The following SLC12A8 variants were observed in gnomAD, a reference collection of about 807,000 sequenced individuals.
SLC12A8 encodes cation-chloride cotransporter 9.
A neutral mutation model predicts 75.6 loss-of-function variants in SLC12A8; 69 were observed. That is an observed-to-expected ratio of 0.91 (90% CI 0.75 to 1.11). The LOEUF is 1.11. Among genes scored for constraint, SLC12A8 ranks in the 50% most tolerant of loss-of-function variants. SLC12A8 has a pLI of 0.00. For synonymous variants in SLC12A8, 365 were observed against 372.8 expected, an observed-to-expected ratio of 0.98 and a Z score of 0.24; for missense variants, 877 against 896.7, an observed-to-expected ratio of 0.98 and a Z score of 0.28.
chr3:125,211,058 T>G (rs1202405114), intron 2 of SLC12A8, among the ~76,000 whole-genome samples: 1 of 152,226 alleles, frequency 6.6e-6, no homozygotes, highest in Non-Finnish European at 1.5e-5. Flanking sequence ...TTTGGAGTTG[T>G]GGGGGATCCC....
intron 5 of SLC12A8, among the ~76,000 whole-genome samples, chr3:125,142,314 G>A (rs1579501953): frequency 6.6e-6 from 1 of 152,352 alleles, no homozygotes; most frequent in South Asian, 2.1e-4. Flanking sequence ...GAGGCACAGA[G>A]ATGGGCAATT....
chr3:125,161,249 T>C (rs1233141291), intron 5 of SLC12A8, among the ~76,000 whole-genome samples: 1 of 152,216 alleles, frequency 6.6e-6, no homozygotes. Context: ...GCATTGGCCA[T>C]TGATCAAAAA....
At chr3:125,138,852 ACACAC>A in intron 5 of SLC12A8, among the ~76,000 whole-genome samples, 1 of 66,688 alleles carries the variant, frequency 1.5e-5, no homozygotes, top group Non-Finnish European at 3.6e-5. Flanking sequence ...CAAAACACAC[ACACAC>A]ACACACACAC....
intron 2 of SLC12A8, among the ~76,000 whole-genome samples, chr3:125,207,156 T>A (rs9815815): frequency 0.51 from 77,494 of 151,840 alleles, 20,654 homozygotes; most frequent in South Asian, 0.64. Flanking sequence ...CTTGGGCCAG[T>A]CACAATGGTT....
At chr3:125,190,341 G>T in intron 3 of SLC12A8, 34 bp downstream of exon 3, 1 of 1,611,318 alleles carries the variant, frequency 6.2e-7, no homozygotes, top group Non-Finnish European at 8.5e-7. Flanking sequence ...TCTTGGGCCC[G>T]TGAGAGGCTC....
intron 1 of SLC12A8, 45 bp from the exon 2 acceptor site, chr3:125,211,439 T>C (rs1459341582): frequency 2.0e-6 from 2 of 997,682 alleles, no homozygotes; most frequent in Non-Finnish European, 3.2e-6. Context: ...TCTCCTCTCC[T>C]CTCCCCTTGT....
intron 5 of SLC12A8, among the ~76,000 whole-genome samples, chr3:125,157,832 C>T (rs956831779): frequency 3.3e-5 from 5 of 152,212 alleles, no homozygotes; most frequent in African/African-American, 7.2e-5. Context: ...CTTTAAAATA[C>T]TGACCCAGGA....
chr3:125,097,418 G>T (rs1362288163), intron 10 of SLC12A8, among the ~76,000 whole-genome samples: 1 of 151,678 alleles, frequency 6.6e-6, no homozygotes, highest in Non-Finnish European at 1.5e-5. Flanking sequence ...AAACACTATT[G>T]GTTAAGAACT....
chr3:125,141,124 G>A (rs1383106784), intron 5 of SLC12A8, among the ~76,000 whole-genome samples: 11 of 148,536 alleles, frequency 7.4e-5, no homozygotes, highest in Non-Finnish European at 1.5e-4. Context: ...CTTTGGTCCA[G>A]TTTGAGCTGT....
chr3:125,199,252 A>C (rs1283667884), intron 2 of SLC12A8, among the ~76,000 whole-genome samples: 1 of 152,174 alleles, frequency 6.6e-6, no homozygotes, highest in Non-Finnish European at 1.5e-5. Flanking sequence ...ATATATAGAG[A>C]AAATGGTCTA....
At chr3:125,129,821 C>T (rs1933307726) in intron 6 of SLC12A8, among the ~76,000 whole-genome samples, 1 of 152,176 alleles carries the variant, frequency 6.6e-6, no homozygotes, top group Non-Finnish European at 1.5e-5. Context: ...GCAAGTCATA[C>T]AAACCATTCG....
At chr3:125,208,261 C>CCAG (rs934250416) in intron 2 of SLC12A8, among the ~76,000 whole-genome samples, 2 of 152,186 alleles carry the variant, frequency 1.3e-5, no homozygotes, top group African/African-American at 4.8e-5. Context: ...GACTGCCCAC[C>CCAG]CAGCAGGTTG....
At chr3:125,168,181 T>A (rs565339854) in intron 5 of SLC12A8, among the ~76,000 whole-genome samples, 2 of 152,072 alleles carry the variant, frequency 1.3e-5, no homozygotes, top group East Asian at 3.9e-4. Flanking sequence ...AACTGTGGGG[T>A]TGTAAAGGAT....
chr3:125,108,227 G>A, intron 9 of SLC12A8, 101 bp from the exon 10 acceptor site: 1 of 1,151,442 alleles, frequency 8.7e-7, no homozygotes, highest in Non-Finnish European at 1.2e-6. Context: ...TAATGACTCA[G>A]CCACTTCTCC....
intron 5 of SLC12A8, among the ~76,000 whole-genome samples, chr3:125,144,653 C>T (rs542617478): frequency 3.3e-5 from 5 of 152,316 alleles, no homozygotes; most frequent in Admixed American, 2.0e-4. Context: ...GCTGTCTCTG[C>T]CTCTGGCATC....
intron 13 of SLC12A8, among the ~76,000 whole-genome samples, chr3:125,086,471 C>T (rs976146432): frequency 5.3e-5 from 8 of 152,160 alleles, no homozygotes; most frequent in Non-Finnish European, 8.8e-5. Context: ...GGACTGGTGA[C>T]CTCCTATGGC....
At chr3:125,140,518 A>G (rs924753395) in intron 5 of SLC12A8, among the ~76,000 whole-genome samples, 1 of 151,974 alleles carries the variant, frequency 6.6e-6, no homozygotes, top group Admixed American at 6.6e-5. Context: ...CCATTTGTGT[A>G]GGGCAGACAG....
At chr3:125,152,011 G>A (rs762018632) in intron 5 of SLC12A8, among the ~76,000 whole-genome samples, 10 of 152,228 alleles carry the variant, frequency 6.6e-5, no homozygotes, top group Non-Finnish European at 1.3e-4. Context: ...GTCAAGGATT[G>A]AGAAAGTGGC....
rs187179317 is a variant in SLC12A8, at chr3:125,157,796, C to G, written c.622+19947G>C. The stretch of plus-strand genomic sequence containing the variant: ...CCCAAGGTCAAGGTTCTTCCACTCT[C>G]CTCCACCTGCAACTTGCATATTTTC... On this transcript the variant is annotated intron_variant, in intron 5 of 13. Transcript: ENST00000469902. Among the ~76,000 whole-genome samples the G allele has an allele frequency of 6.6e-5, 10 of 152,326 alleles. 1 individual carries two copies. The South Asian group carries it at 1.0e-3, about 16-fold the overall frequency.
Sources: allele counts gnomAD v4.1 joint callset (sites outside exome capture counted in the v4.1 genomes callset), GRCh38; gene constraint gnomAD v4.1.1; transcripts MANE v1.5; gene names NCBI Gene and HGNC (gene_info 2026-07-23, HGNC 2026-07-21).